The following RAB28 variants were observed in gnomAD, a reference collection of about 807,000 sequenced individuals.
RAB28 encodes the protein ras-related protein Rab-28.
In RAB28, 24 loss-of-function variants were observed where a neutral mutation model predicts 31.7. The ratio of observed to expected loss-of-function variants is 0.76; its 90% confidence interval spans 0.55 to 1.06. The LOEUF is 1.06. Ranked by LOEUF, RAB28 falls within the 50% of genes least tolerant of loss-of-function variation. The pLI, the probability that RAB28 is intolerant of heterozygous loss-of-function variation, is 0.00. For missense variants in RAB28, 254 were observed against 258.5 expected (o/e 0.98, Z 0.12); for synonymous variants, 100 against 90.4 (o/e 1.11, Z -0.60).
chr4:13,459,503 T>C (rs1465838109), intron 4 of RAB28, among the ~76,000 whole-genome samples: 1 of 152,190 alleles, frequency 6.6e-6, no homozygotes, highest in Non-Finnish European at 1.5e-5. Flanking sequence ...TGAAAACCTT[T>C]ATTAATGTCT....
intron 4 of RAB28, among the ~76,000 whole-genome samples, chr4:13,402,260 T>C (rs965731260): frequency 3.3e-5 from 5 of 152,222 alleles, no homozygotes; most frequent in African/African-American, 9.6e-5. Flanking sequence ...AGCTGACCGA[T>C]GTTGTTCATG....
chr4:13,447,337 T>A (rs1714750002), intron 4 of RAB28, among the ~76,000 whole-genome samples: 1 of 152,118 alleles, frequency 6.6e-6, no homozygotes, highest in South Asian at 2.1e-4. Context: ...GCCCACAAAG[T>A]CTTTCTTGAT....
chr4:13,388,464 T>C (rs772034448), intron 4 of RAB28, among the ~76,000 whole-genome samples: 1 of 152,036 alleles, frequency 6.6e-6, no homozygotes, highest in Admixed American at 6.6e-5. Flanking sequence ...GACTTGGTGG[T>C]GATTTCTTGG....
At chr4:13,443,462 G>C (rs946397495) in intron 4 of RAB28, among the ~76,000 whole-genome samples, 1 of 152,142 alleles carries the variant, frequency 6.6e-6, no homozygotes, top group African/African-American at 2.4e-5. Context: ...GTGAGCCACC[G>C]CACCTGGCCA....
intron 4 of RAB28, among the ~76,000 whole-genome samples, chr4:13,402,551 T>G (rs1265611619): frequency 1.3e-5 from 2 of 152,208 alleles, no homozygotes; most frequent in Non-Finnish European, 2.9e-5. Context: ...TACTTCAACT[T>G]TCTTTTGATT....
At chr4:13,378,752 T>A (rs1206788492) in intron 5 of RAB28, among the ~76,000 whole-genome samples, 1 of 151,916 alleles carries the variant, frequency 6.6e-6, no homozygotes, top group Non-Finnish European at 1.5e-5. Context: ...AGACAGAAGA[T>A]ATGAGAACAG....
chr4:13,460,644 C>G, intron 4 of RAB28, 55 bp downstream of exon 4: 6 of 1,600,160 alleles, frequency 3.7e-6, no homozygotes, highest in Non-Finnish European at 5.1e-6. Flanking sequence ...CACAAACATT[C>G]TGTCCACAAC....
chr4:13,416,003 A>G (rs1458537257), intron 4 of RAB28, among the ~76,000 whole-genome samples: 1 of 152,186 alleles, frequency 6.6e-6, no homozygotes, highest in Non-Finnish European at 1.5e-5. Context: ...CTCTGTATCT[A>G]GCTACTCTGT....
rs542668376 is a variant in RAB28, at chr4:13,402,744, G to T, written c.392-21150C>A. ...ATATTAGCAAACATTTTCTGTAAGG[G>T]GCCAGATAGTAAATATTTTAGGCTT... On this transcript the variant is annotated intron_variant, in intron 4 of 6. Transcript: ENST00000330852. 1.1e-4 allele frequency among the ~76,000 whole-genome samples: 17 copies of T among 151,818 alleles called. No individual in the cohort carries two copies. The South Asian group carries it at 3.6e-3, about 32-fold the overall frequency.
At chr4:13,403,622 C>T (rs1362766268) in intron 4 of RAB28, among the ~76,000 whole-genome samples, 1 of 152,174 alleles carries the variant, frequency 6.6e-6, no homozygotes, top group Non-Finnish European at 1.5e-5. Flanking sequence ...GATTCTGTTT[C>T]AGTATTATGT....
chr4:13,371,623 C>T (rs1035726398), intron 6 of RAB28: 14 of 985,092 alleles, frequency 1.4e-5, no homozygotes, highest in African/African-American at 8.7e-5. Context: ...AAAATGTTTC[C>T]GAACTGTAAG....
intron 4 of RAB28, among the ~76,000 whole-genome samples, chr4:13,422,862 A>G (rs369709736): frequency 2.7e-4 from 41 of 152,136 alleles, no homozygotes; most frequent in African/African-American, 8.9e-4. Flanking sequence ...ACAAACCTGC[A>G]TGTTGTGCAC....
At chr4:13,373,843 T>G (rs1426834584) in intron 6 of RAB28, among the ~76,000 whole-genome samples, 1 of 152,108 alleles carries the variant, frequency 6.6e-6, no homozygotes, top group Non-Finnish European at 1.5e-5. Flanking sequence ...TCCTTCTCTA[T>G]AGAATAATAC....
intron 4 of RAB28, among the ~76,000 whole-genome samples, chr4:13,403,830 A>G (rs978932209): frequency 6.6e-6 from 1 of 152,232 alleles, no homozygotes; most frequent in Non-Finnish European, 1.5e-5. Context: ...TTTATAATAC[A>G]TAAGAACAAA....
At chr4:13,375,349 C>A (rs1462903104) in intron 6 of RAB28, among the ~76,000 whole-genome samples, 1 of 152,052 alleles carries the variant, frequency 6.6e-6, no homozygotes, top group African/African-American at 2.4e-5. Context: ...TCTTTTAATT[C>A]TTTTTTAGAC....
chr4:13,416,272 A>G (rs904126879), intron 4 of RAB28, among the ~76,000 whole-genome samples: 3 of 152,160 alleles, frequency 2.0e-5, no homozygotes, highest in African/African-American at 7.2e-5. Context: ...CACTGCCTTT[A>G]TGAGCTGTAA....
intron 4 of RAB28, among the ~76,000 whole-genome samples, chr4:13,393,946 T>C (rs937751088): frequency 4.0e-5 from 6 of 151,200 alleles, no homozygotes; most frequent in African/African-American, 1.5e-4. Flanking sequence ...CCACCTATTA[T>C]ATGTCAAGTA....
At chr4:13,475,173 T>G (rs1291868795) in intron 2 of RAB28, among the ~76,000 whole-genome samples, 1 of 151,640 alleles carries the variant, frequency 6.6e-6, no homozygotes, top group Non-Finnish European at 1.5e-5. Context: ...AAAAGCATTC[T>G]AAAAGGCAAT....
chr4:13,473,796 A>G, intron 3 of RAB28: 1 of 355,412 alleles, frequency 2.8e-6, no homozygotes, highest in South Asian at 2.1e-5. Context: ...GCATTATCAT[A>G]GTAAATTATT....
Sources: gnomAD v4.1 joint callset for allele counts (sites outside exome capture counted in the v4.1 genomes callset) on GRCh38, gnomAD v4.1.1 for gene constraint, MANE v1.5 for transcripts, NCBI Gene and HGNC (gene_info 2026-07-23, HGNC 2026-07-21) for gene names.